Variants in KIAA1958 observed in about 807,000 individuals in gnomAD.
The protein encoded by KIAA1958 is KIAA1958, also known as uncharacterized protein KIAA1958.
Under a neutral mutation model 47.2 loss-of-function variants are expected in KIAA1958, and 14 were observed. That is an observed-to-expected ratio of 0.30 (90% CI 0.20 to 0.46). The LOEUF (loss-of-function observed/expected upper bound fraction) is 0.46, where lower values mean the gene tolerates loss of function less well. KIAA1958 is among the 20% of genes least tolerant of loss of function. The probability of loss-of-function intolerance (pLI) is 1.00; values close to 1 mark genes in which losing one functional copy is unlikely to be tolerated. For synonymous variants in KIAA1958, 354 were observed against 353.3 expected (o/e 1.00, Z -0.02); for missense variants, 803 against 909.2 (o/e 0.88, Z 1.50).
At position 112,667,619 on chromosome 9, in the gene KIAA1958, A is replaced by G. The variant is rs776499502; in HGVS notation, c.*7550A>G. On this transcript the variant is annotated 3_prime_UTR_variant, in exon 4 of 4. Transcript: ENST00000337530. Reference sequence around the variant, plus strand: ...GTAACAAATTGCCTGTAAGAAAACCAAAGAGCATCTGGCTTCAGACTTCTG... The same window carrying G: ...GTAACAAATTGCCTGTAAGAAAACCGAAGAGCATCTGGCTTCAGACTTCTG... 2.6e-5 allele frequency: 4 copies of G among 152,134 alleles called. No individual in the cohort carries two copies. The highest frequency in any genetic ancestry group is 4.4e-5 in the Non-Finnish European group (3 of 68,026). 9.4% of individuals were successfully genotyped at this position (152,134 alleles called of 1,614,324 possible).
At chr9:112,551,522 T>C (rs1295210617) in intron 1 of KIAA1958, among the ~76,000 whole-genome samples, 2 of 152,258 alleles carry the variant, frequency 1.3e-5, no homozygotes, top group African/African-American at 4.8e-5. Context: ...AAAAAGTATT[T>C]TTTAAAAATC....
intron 1 of KIAA1958, among the ~76,000 whole-genome samples, chr9:112,516,475 A>T (rs984559657): frequency 2.0e-5 from 3 of 152,200 alleles, no homozygotes; most frequent in Admixed American, 6.5e-5. Context: ...ATAAGTCGAG[A>T]TATACTGTTT....
At chr9:112,557,247 C>T (rs373498770) in intron 1 of KIAA1958, among the ~76,000 whole-genome samples, 1 of 152,178 alleles carries the variant, frequency 6.6e-6, no homozygotes, top group African/African-American at 2.4e-5. Flanking sequence ...GGAACCACCA[C>T]ACCCAGCCCC....
intron 1 of KIAA1958, among the ~76,000 whole-genome samples, chr9:112,566,872 A>G (rs991574919): frequency 6.6e-6 from 1 of 152,198 alleles, no homozygotes; most frequent in African/African-American, 2.4e-5. Context: ...GATGTCACTT[A>G]AGGTGATTAT....
chr9:112,595,066 T>C (rs1835994858), intron 2 of KIAA1958, among the ~76,000 whole-genome samples: 1 of 152,252 alleles, frequency 6.6e-6, no homozygotes, highest in South Asian at 2.1e-4. Flanking sequence ...AAGTTAGCAG[T>C]GATCAATATT....
chr9:112,516,640 G>A (rs557511166), intron 1 of KIAA1958, among the ~76,000 whole-genome samples: 1 of 152,244 alleles, frequency 6.6e-6, no homozygotes, highest in African/African-American at 2.4e-5. Context: ...AGGACTTAGA[G>A]CAAAACACAT....
At chr9:112,504,469 G>A (rs867448728) in intron 1 of KIAA1958, among the ~76,000 whole-genome samples, 4 of 152,320 alleles carry the variant, frequency 2.6e-5, no homozygotes, top group African/African-American at 4.8e-5. Flanking sequence ...AATTGCAGGC[G>A]TGAGCCACCA....
At chr9:112,652,958 C>T (rs886094438) in intron 3 of KIAA1958, among the ~76,000 whole-genome samples, 3 of 152,154 alleles carry the variant, frequency 2.0e-5, no homozygotes, top group African/African-American at 7.2e-5. Context: ...TATTTCGGGA[C>T]TTCTGGTATG....
intron 2 of KIAA1958, among the ~76,000 whole-genome samples, chr9:112,593,942 A>G (rs1835971633): frequency 6.6e-6 from 1 of 151,810 alleles, no homozygotes; most frequent in Non-Finnish European, 1.5e-5. Context: ...ATAGTTCACT[A>G]CAGCCTCGAG....
At chr9:112,634,582 T>C (rs1188894805) in intron 2 of KIAA1958, among the ~76,000 whole-genome samples, 1 of 152,190 alleles carries the variant, frequency 6.6e-6, no homozygotes, top group Non-Finnish European at 1.5e-5. Context: ...TTTTTTTCCT[T>C]TTTAAAAAAT....
intron 1 of KIAA1958, among the ~76,000 whole-genome samples, chr9:112,554,565 TTATAA>T (rs1357326758): frequency 2.6e-5 from 4 of 152,154 alleles, no homozygotes; most frequent in Non-Finnish European, 5.9e-5. Context: ...GATTGGTTAA[TTATAA>T]TATATCCATC....
intron 2 of KIAA1958, among the ~76,000 whole-genome samples, chr9:112,635,485 C>CCCA: frequency 6.6e-6 from 1 of 152,166 alleles, no homozygotes; most frequent in Non-Finnish European, 1.5e-5. Flanking sequence ...CTCCTCAGCT[C>CCCA]AAGTTATCCG....
chr9:112,588,289 G>T (rs1274853232), intron 2 of KIAA1958, among the ~76,000 whole-genome samples: 7 of 152,068 alleles, frequency 4.6e-5, no homozygotes, highest in Admixed American at 3.3e-4. Context: ...TTTTCATCCC[G>T]ATGAGTTTCA....
chr9:112,486,835 C>A lies in KIAA1958; in HGVS notation c.-308C>A, dbSNP rs1488086448. On this transcript the variant is annotated 5_prime_UTR_variant, in exon 1 of 4. Transcript: ENST00000337530. ...GCCCGCCCGCGCCCCGCCCCCTGCCCGCCCGCCGCGCTCCGAGCCGGGCGC... is the reference window on the plus strand; with the variant it reads ...GCCCGCCCGCGCCCCGCCCCCTGCCAGCCCGCCGCGCTCCGAGCCGGGCGC... 2 of 142,676 alleles carry A rather than the reference C, an allele frequency of 1.4e-5. No individual in the cohort carries two copies. The highest frequency in any genetic ancestry group is 6.9e-5 in the Admixed American group (1 of 14,504). The allele number at this position is 142,676 out of a possible 1,614,324, so 8.8% of individuals were successfully genotyped here. A position where few individuals can be genotyped will look rare whatever the true frequency, so the allele number is the denominator to read the frequency against.
At chr9:112,518,756 T>A (rs1444065306) in intron 1 of KIAA1958, among the ~76,000 whole-genome samples, 1 of 151,914 alleles carries the variant, frequency 6.6e-6, no homozygotes. Context: ...AGGCATTTTT[T>A]AAAAAGTAAA....
At chr9:112,526,408 C>G (rs1834652825) in intron 1 of KIAA1958, among the ~76,000 whole-genome samples, 1 of 152,012 alleles carries the variant, frequency 6.6e-6, no homozygotes, top group Non-Finnish European at 1.5e-5. Context: ...TGTGCACCAC[C>G]ACGCCCAGCT....
chr9:112,595,477 G>A (rs1430577418), intron 2 of KIAA1958, among the ~76,000 whole-genome samples: 3 of 152,000 alleles, frequency 2.0e-5, no homozygotes, highest in South Asian at 2.1e-4. Flanking sequence ...CCTGGCCAAC[G>A]TGGTGAAACC....
chr9:112,635,697 G>C (rs1179522026), intron 2 of KIAA1958, among the ~76,000 whole-genome samples: 1 of 151,996 alleles, frequency 6.6e-6, no homozygotes, highest in South Asian at 2.1e-4. Context: ...TCTTTTTACT[G>C]TCTTTTTACT....
chr9:112,550,675 G>A (rs528241948), intron 1 of KIAA1958, among the ~76,000 whole-genome samples: 104 of 152,296 alleles, frequency 6.8e-4, no homozygotes, highest in Non-Finnish European at 1.4e-3. Flanking sequence ...AATCACATGA[G>A]GAATGTCTCC....
Sources: gnomAD v4.1 joint callset for allele counts (sites outside exome capture counted in the v4.1 genomes callset) on GRCh38, gnomAD v4.1.1 for gene constraint, MANE v1.5 for transcripts, NCBI Gene and HGNC (gene_info 2026-07-23, HGNC 2026-07-21) for gene names.